TGM6: variants seen among roughly 807,000 people sequenced by gnomAD.
TGM6 encodes protein-glutamine gamma-glutamyltransferase 6.
Under a neutral mutation model 77.5 loss-of-function variants are expected in TGM6, and 74 were observed. That is an observed-to-expected ratio of 0.96 (90% CI 0.79 to 1.16). The LOEUF is 1.16. TGM6 is among the 50% of genes most tolerant of loss of function. The pLI is 0.00. For missense variants in TGM6, 968 were observed against 940.2 expected, an observed-to-expected ratio of 1.03 and a Z score of -0.39; for synonymous variants, 383 against 378.9, an observed-to-expected ratio of 1.01 and a Z score of -0.12.
Position 2,422,586 on chromosome 20 carries a change from T to C in TGM6, c.1678+5013T>C, listed in dbSNP as rs535756909. On this transcript the variant is annotated intron_variant, in intron 10 of 12. Transcript: ENST00000202625. The stretch of plus-strand genomic sequence containing the variant: ...ATAAAGCGTGCAATAGCATTATTTC[T>C]TTTAAAAAATATATACACCTTAATT... Among the ~76,000 whole-genome samples the C allele has an allele frequency of 5.3e-5, 8 of 152,334 alleles. No individual in the cohort carries two copies. In the South Asian group the frequency reaches 1.7e-3, roughly 32 times the overall value.
intron 1 of TGM6, among the ~76,000 whole-genome samples, chr20:2,391,276 T>C (rs1307380566): frequency 6.6e-6 from 1 of 152,018 alleles, no homozygotes; most frequent in East Asian, 1.9e-4. Flanking sequence ...ATTTTATTAT[T>C]GTTGTTTGTG....
chr20:2,395,251 A>G lies in TGM6; in HGVS notation c.239A>G (p.Glu80Gly). The change falls in exon 3 of 13, where the codon GAG (glutamate) becomes GGG (glycine). Residue 80 changes from glutamate (E) to glycine (G), a missense_variant. Coordinates refer to ENST00000202625, the MANE Select transcript of TGM6 (RefSeq NM_198994.3). Reference sequence around the variant, plus strand: ...GCTGTGTTCCAGACATCGGAGCTGGAGCGGGGTGAGGGCTGGACAGCAGCA... The same window carrying G: ...GCTGTGTTCCAGACATCGGAGCTGGGGCGGGGTGAGGGCTGGACAGCAGCA... ...TKAVFQTSEL[E>G]RGEGWTAARE... is the part of the protein sequence containing the mutation. The G allele has an allele frequency of 1.9e-6, 3 of 1,614,062 alleles. No individual in the cohort carries two copies. The highest frequency in any genetic ancestry group is 2.5e-6 in the Non-Finnish European group (3 of 1,180,004).
chr20:2,400,499 C>A (rs1299890962), intron 7 of TGM6, 55 bp downstream of exon 7: 20 of 1,611,624 alleles, frequency 1.2e-5, no homozygotes, highest in Non-Finnish European at 1.7e-5. Context: ...GCAGGTGGAG[C>A]AAGGCCTCAT....
chr20:2,407,866 C>T (rs560630394), intron 9 of TGM6, among the ~76,000 whole-genome samples: 3 of 152,188 alleles, frequency 2.0e-5, no homozygotes, highest in South Asian at 4.1e-4. Context: ...GATTCAGAGG[C>T]AAGGGGACAA....
chr20:2,416,033 G>A (rs951121412), intron 9 of TGM6, among the ~76,000 whole-genome samples: 1 of 152,140 alleles, frequency 6.6e-6, no homozygotes, highest in South Asian at 2.1e-4. Context: ...CTAGACTGAG[G>A]TAGGGCATGC....
At chr20:2,386,468 G>C (rs2084596749) in intron 1 of TGM6, among the ~76,000 whole-genome samples, 1 of 152,128 alleles carries the variant, frequency 6.6e-6, no homozygotes, top group South Asian at 2.1e-4. Flanking sequence ...GAAGAAGTGT[G>C]TTCTATGGGG....
At chr20:2,382,171 C>T (rs373052943) in intron 1 of TGM6, among the ~76,000 whole-genome samples, 1 of 152,226 alleles carries the variant, frequency 6.6e-6, no homozygotes, top group African/African-American at 2.4e-5. Context: ...TTTGAATTTC[C>T]TCATCATAGT....
chr20:2,409,167 T>C (rs1172447616), intron 9 of TGM6, among the ~76,000 whole-genome samples: 1 of 152,152 alleles, frequency 6.6e-6, no homozygotes, highest in Non-Finnish European at 1.5e-5. Flanking sequence ...TAGAAATCAG[T>C]ATCAGAAGAG....
At chr20:2,402,452 A>C (rs1369141220) in intron 7 of TGM6, among the ~76,000 whole-genome samples, 3 of 152,012 alleles carry the variant, frequency 2.0e-5, no homozygotes, top group Admixed American at 2.0e-4. Context: ...CCCTGGAAGC[A>C]CAAAATACTC....
chr20:2,400,201 G>A (rs2084696450), intron 6 of TGM6, 105 bp from the exon 7 acceptor site: 2 of 1,516,652 alleles, frequency 1.3e-6, no homozygotes, highest in South Asian at 2.3e-5. Flanking sequence ...AAGATGGGGT[G>A]GCAGAGGGCT....
At chr20:2,415,904 TAA>T in intron 9 of TGM6, among the ~76,000 whole-genome samples, 1 of 152,230 alleles carries the variant, frequency 6.6e-6, no homozygotes, top group South Asian at 2.1e-4. Context: ...TCAGGGGCCC[TAA>T]ACTCACATGT....
In TGM6 at chr20:2,394,492, T is replaced by TGGC. The variant is rs1314372039; in HGVS notation, c.50_52dup (p.Gly17dup). ...AGGTGGACTGGCAGCGGTCGAGGAA[T>TGGC]GGCGCTGCCCACCACACCCAGGAGT... On this transcript the variant is annotated inframe_insertion, in exon 2 of 13. Transcript: ENST00000202625. 1 of 1,611,588 alleles carries TGGC rather than the reference T, an allele frequency of 6.2e-7. No individual in the cohort carries two copies.
At chr20:2,431,675 C>G (rs550054638) in intron 12 of TGM6, among the ~76,000 whole-genome samples, 18 of 152,320 alleles carry the variant, frequency 1.2e-4, no homozygotes, top group African/African-American at 4.3e-4. Flanking sequence ...TGTCCAAGGT[C>G]TGGGGGAGCA....
At chr20:2,423,698 T>G (rs1053392067) in intron 10 of TGM6, among the ~76,000 whole-genome samples, 1 of 152,216 alleles carries the variant, frequency 6.6e-6, no homozygotes, top group African/African-American at 2.4e-5. Context: ...TACTTAATGG[T>G]GTCTAGAATG....
In TGM6 at chr20:2,381,066, G is replaced by A. The variant is rs980359220; in HGVS notation, c.7+91G>A. ...GTCTGTGGGATGACGTTTGATCATC[G>A]ATTGTTAGGATTTTACAGCTGGATA... On this transcript the variant is annotated intron_variant, in intron 1 of 12. Coordinates refer to ENST00000202625, the MANE Select transcript of TGM6 (RefSeq NM_198994.3). 20 of 1,520,006 alleles carry A rather than the reference G, an allele frequency of 1.3e-5. No homozygotes were observed. The African/African-American group carries it at 2.2e-4, about 17-fold the overall frequency. The allele number at this position is 1,520,006 out of a possible 1,614,324, so 94.2% of individuals were successfully genotyped here.
At position 2,403,409 on chromosome 20, in the gene TGM6, C is replaced by T; in HGVS notation, c.1002C>T (p.Val334=). 1 of 1,614,146 alleles carries T rather than the reference C, an allele frequency of 6.2e-7. No homozygotes were observed. The highest frequency in any genetic ancestry group is 8.5e-7 in the Non-Finnish European group (1 of 1,180,034). The change falls in exon 8 of 13, where the codon GTC becomes GTT. Residue 334 remains valine (V), a synonymous_variant. Transcript: ENST00000202625. ...LTEDSMWNFH[V]WNESWFARQD... is the part of the protein sequence containing the mutation. ...CTCTCTGTGGCAGGAATTTCCATGT[C>T]TGGAATGAGAGCTGGTTTGCCCGGC...
Position 2,396,644 on chromosome 20 carries a change from A to C in TGM6, c.543+20A>C. On this transcript the variant is annotated intron_variant, in intron 4 of 12. Transcript: ENST00000202625. Reference sequence around the variant, plus strand: ...GGGCAGGTCTCCAGGGGCACAGGCCAGACAAGGATGTGGGCTGGGGCATGG... The same window carrying C: ...GGGCAGGTCTCCAGGGGCACAGGCCCGACAAGGATGTGGGCTGGGGCATGG... 6.2e-7 allele frequency: 1 copy of C among 1,612,648 alleles called. No homozygotes were observed. The highest frequency in any genetic ancestry group is 1.1e-5 in the South Asian group (1 of 91,020).
rs749409755 is a variant in TGM6, at chr20:2,398,003, G to A, written c.629G>A (p.Cys210Tyr). 1 of 1,614,134 alleles carries A rather than the reference G, an allele frequency of 6.2e-7. No homozygotes were observed. The highest frequency in any genetic ancestry group is 8.5e-7 in the Non-Finnish European group (1 of 1,180,022). The change falls in exon 5 of 13, where the codon TGC becomes TAC. Residue 210 changes from cysteine (C) to tyrosine (Y), a missense_variant. By Grantham distance (194) the Cys-to-Tyr change is radical. Coordinates refer to ENST00000202625, the MANE Select transcript of TGM6 (RefSeq NM_198994.3). Reference protein sequence around the residue: ...HQNNPATDVSCRHNPIYVTRV... With the variant: ...HQNNPATDVSYRHNPIYVTRV... ...AACAACCCAGCCACCGACGTGTCCT[G>A]CCGCCACAACCCCATCTACGTCACC...
At chr20:2,416,424 T>C (rs1422939866) in intron 9 of TGM6, among the ~76,000 whole-genome samples, 1 of 152,202 alleles carries the variant, frequency 6.6e-6, no homozygotes, top group African/African-American at 2.4e-5. Context: ...AAAATAGTCT[T>C]TTCAATAAAT....
Sources: allele counts gnomAD v4.1 joint callset (sites outside exome capture counted in the v4.1 genomes callset), GRCh38; gene constraint gnomAD v4.1.1; transcripts MANE v1.5; gene names NCBI Gene and HGNC (gene_info 2026-07-23, HGNC 2026-07-21).